The following RPS6KC1 variants were observed in gnomAD, a reference collection of about 807,000 sequenced individuals.
The protein encoded by RPS6KC1 is inactive ribosomal protein S6 kinase delta-1.
RPS6KC1 carries 54 observed loss-of-function variants against 103.8 expected under a neutral mutation model. That is an observed-to-expected ratio of 0.52 (90% CI 0.42 to 0.65). RPS6KC1 has a LOEUF of 0.65. RPS6KC1 is among the 30% of genes least tolerant of loss of function. The pLI is 0.00. For synonymous variants in RPS6KC1, 439 were observed against 438.7 expected, an observed-to-expected ratio of 1.00 and a Z score of -0.01; for missense variants, 1,151 against 1,253.8, an observed-to-expected ratio of 0.92 and a Z score of 1.24.
chr1:213,859,934 T>G, the RPS6KC1 span, among the ~76,000 whole-genome samples: 1 of 152,056 alleles, frequency 6.6e-6, no homozygotes, highest in Admixed American at 6.6e-5. Flanking sequence ...TAAGCACCCA[T>G]CTTTTTGGAA....
chr1:213,485,740 G>A, the RPS6KC1 span, among the ~76,000 whole-genome samples: 1 of 152,126 alleles, frequency 6.6e-6, no homozygotes, highest in Non-Finnish European at 1.5e-5. Context: ...AGAGTCTAGG[G>A]CAGCAACTCT....
chr1:213,565,176 T>A, the RPS6KC1 span, among the ~76,000 whole-genome samples: 2 of 152,142 alleles, frequency 1.3e-5, no homozygotes, highest in African/African-American at 4.8e-5. Flanking sequence ...ATATTAGAAA[T>A]GTAAAATTGT....
intron 5 of RPS6KC1, among the ~76,000 whole-genome samples, chr1:213,123,007 A>G (rs73086359): frequency 0.048 from 7,269 of 152,204 alleles, 581 homozygotes; most frequent in African/African-American, 0.17. Context: ...GGTGGGACAA[A>G]TAACAGAAAA....
At chr1:213,107,563 A>T (rs79674940) in intron 4 of RPS6KC1, among the ~76,000 whole-genome samples, 1 of 152,166 alleles carries the variant, frequency 6.6e-6, no homozygotes, top group African/African-American at 2.4e-5. Context: ...ATTGATGGAC[A>T]TGTTTGGATG....
chr1:213,387,238 C>T, the RPS6KC1 span, among the ~76,000 whole-genome samples: 6 of 152,148 alleles, frequency 3.9e-5, no homozygotes, highest in Admixed American at 2.0e-4. Flanking sequence ...TATGCCAGAC[C>T]GACTCATATT....
At chr1:213,114,913 A>G (rs1269288505) in intron 4 of RPS6KC1, among the ~76,000 whole-genome samples, 1 of 152,190 alleles carries the variant, frequency 6.6e-6, no homozygotes, top group Non-Finnish European at 1.5e-5. Flanking sequence ...CCACTTGATC[A>G]TGGTGGATAA....
the RPS6KC1 span, among the ~76,000 whole-genome samples, chr1:213,815,168 C>T: frequency 6.6e-6 from 1 of 152,162 alleles, no homozygotes; most frequent in African/African-American, 2.4e-5. Flanking sequence ...CTTGGCACTT[C>T]TTTCTCCTGC....
intron 6 of RPS6KC1, among the ~76,000 whole-genome samples, chr1:213,140,543 C>T (rs968480808): frequency 7.2e-5 from 11 of 152,090 alleles, no homozygotes; most frequent in African/African-American, 2.4e-4. Flanking sequence ...ATTTTTAACA[C>T]AAAGCGATGT....
At chr1:213,120,166 C>CAT (rs1471830236) in intron 5 of RPS6KC1, among the ~76,000 whole-genome samples, 1 of 152,142 alleles carries the variant, frequency 6.6e-6, no homozygotes, top group Non-Finnish European at 1.5e-5. Context: ...GGAATATTGA[C>CAT]ATTTTATCCT....
chr1:213,328,925 A>G, the RPS6KC1 span, among the ~76,000 whole-genome samples: 2 of 152,080 alleles, frequency 1.3e-5, no homozygotes, highest in Admixed American at 1.3e-4. Flanking sequence ...TTCTGTTTTG[A>G]TCATGCCCTT....
chr1:213,452,333 A>AG, the RPS6KC1 span, among the ~76,000 whole-genome samples: 1 of 149,626 alleles, frequency 6.7e-6, no homozygotes, highest in Non-Finnish European at 1.5e-5. Context: ...GCTCATAACT[A>AG]GGAAAAAAAA....
At position 213,105,314 on chromosome 1, in the gene RPS6KC1, C is replaced by G. The variant is rs900608718; in HGVS notation, c.378+745C>G. Among the ~76,000 whole-genome samples the G allele has an allele frequency of 2.1e-5, 3 of 144,040 alleles. No homozygotes were observed. In the East Asian group the frequency reaches 6.2e-4, roughly 30 times the overall value. 94.5% of individuals were successfully genotyped at this position (144,040 alleles called of 152,430 possible). ...CAGTTGGTATTGTTGTATTTAATTA[C>G]TACATTTTCCCTGTTGCATTGAGTT... On this transcript the variant is annotated intron_variant, in intron 4 of 14. Transcript: ENST00000366960.
At chr1:213,260,754 C>T (rs1573674900) in intron 12 of RPS6KC1, among the ~76,000 whole-genome samples, 1 of 70,760 alleles carries the variant, frequency 1.4e-5, no homozygotes, top group Non-Finnish European at 2.9e-5. Context: ...GGCTAAAAGC[C>T]TCAAAAAAAA....
At chr1:213,325,413 C>T in the RPS6KC1 span, among the ~76,000 whole-genome samples, 1 of 152,342 alleles carries the variant, frequency 6.6e-6, no homozygotes, top group African/African-American at 2.4e-5. Flanking sequence ...ATACCTTTCC[C>T]TTTCTGCCCA....
rs2094346929 is a variant in RPS6KC1 at position 213,241,310 on chromosome 1, C to G, written c.1834C>G (p.Leu612Val). The change falls in exon 11 of 15, where the codon CTC (leucine) becomes GTC (valine). Residue 612 changes from leucine (L) to valine (V), a missense_variant. Physicochemically the swap from Leu to Val is conservative, Grantham distance 32. Coordinates refer to ENST00000366960, the MANE Select transcript of RPS6KC1 (RefSeq NM_012424.6). ...AGACAGTAAGGATAGCGCAAGTGAA[C>G]TCCTGGGACTTGACTTTGGAGAAAA... ...RIDSKDSASE[L>V]LGLDFGEKLY... is the part of the protein sequence containing the mutation. 6.2e-7 allele frequency: 1 copy of G among 1,613,870 alleles called. No individual in the cohort carries two copies. Among genetic ancestry groups the G allele is most frequent in the East Asian group, 2.2e-5 (1 of 44,886 alleles).
At chr1:213,771,320 A>AG in the RPS6KC1 span, among the ~76,000 whole-genome samples, 1 of 150,252 alleles carries the variant, frequency 6.7e-6, no homozygotes, top group Non-Finnish European at 1.5e-5. Flanking sequence ...GAAAGAGGGG[A>AG]GGGGGTGGTT....
the RPS6KC1 span, among the ~76,000 whole-genome samples, chr1:213,416,510 A>G: frequency 6.6e-6 from 1 of 152,170 alleles, no homozygotes; most frequent in Admixed American, 6.5e-5. Flanking sequence ...AGGGCGAGTG[A>G]AAGGGTAGCG....
the RPS6KC1 span, among the ~76,000 whole-genome samples, chr1:213,676,850 G>C: frequency 6.6e-6 from 1 of 152,210 alleles, no homozygotes; most frequent in Non-Finnish European, 1.5e-5. Context: ...AACCTAAGTT[G>C]ATTCTTCTGC....
chr1:213,335,035 C>T, the RPS6KC1 span, among the ~76,000 whole-genome samples: 11 of 152,240 alleles, frequency 7.2e-5, no homozygotes, highest in South Asian at 1.7e-3. Flanking sequence ...AAATGACTTC[C>T]GCGCCCCACC....
Sources: allele counts gnomAD v4.1 joint callset (sites outside exome capture counted in the v4.1 genomes callset), GRCh38; gene constraint gnomAD v4.1.1; transcripts MANE v1.5; gene names NCBI Gene and HGNC (gene_info 2026-07-23, HGNC 2026-07-21).